Variants in AFF2 observed in about 807,000 individuals in gnomAD.
The protein encoded by AFF2 is ALF transcription elongation factor 2.
AFF2 carries 14 observed loss-of-function variants against 76.9 expected under a neutral mutation model. The ratio of observed to expected loss-of-function variants is 0.18; its 90% confidence interval spans 0.12 to 0.28. AFF2 has a LOEUF of 0.28. Ranked by LOEUF, AFF2 falls within the 10% of genes least tolerant of loss-of-function variation. The pLI is 1.00. For synonymous variants in AFF2, 398 were observed against 366.7 expected (o/e 1.09, Z -0.98); for missense variants, 868 against 1,001.1 (o/e 0.87, Z 1.79).
intron 7 of AFF2, among the ~76,000 whole-genome samples, chrX:148,852,703 T>G (rs1464897984): frequency 1.8e-5 from 2 of 111,590 alleles, no homozygotes; most frequent in Non-Finnish European, 3.8e-5. Flanking sequence ...AAGCATCAGC[T>G]ATTTCATGCT....
At chrX:148,840,480 A>G (rs1230493992) in intron 5 of AFF2, among the ~76,000 whole-genome samples, 1 of 112,019 alleles carries the variant, frequency 8.9e-6, no homozygotes, top group African/African-American at 3.2e-5. Context: ...TTTGCAGGAA[A>G]AGTTAGCTGA....
intron 7 of AFF2, among the ~76,000 whole-genome samples, chrX:148,860,737 A>G (rs1324668108): frequency 8.9e-6 from 1 of 112,135 alleles, no homozygotes; most frequent in South Asian, 3.7e-4. Flanking sequence ...ATGTAAATTG[A>G]CATTATATGG....
At chrX:148,525,728 A>G (rs2052650671) in intron 1 of AFF2, among the ~76,000 whole-genome samples, 1 of 112,240 alleles carries the variant, frequency 8.9e-6, no homozygotes, top group Non-Finnish European at 1.9e-5. Context: ...GTTAGAAAAA[A>G]CAGTTGTGAA....
chrX:148,903,266 GC>G (rs2071373340), intron 8 of AFF2, among the ~76,000 whole-genome samples: 1 of 111,532 alleles, frequency 9.0e-6, no homozygotes, highest in African/African-American at 3.3e-5. Context: ...ACATAATTAT[GC>G]TACAGAAATA....
chrX:148,580,425 C>T (rs1291514969), intron 1 of AFF2, among the ~76,000 whole-genome samples: 1 of 111,299 alleles, frequency 9.0e-6, no homozygotes, highest in Non-Finnish European at 1.9e-5. Flanking sequence ...ATATTATCTT[C>T]CTATTCTTTT....
intron 1 of AFF2, among the ~76,000 whole-genome samples, chrX:148,551,925 A>G (rs1401583605): frequency 8.9e-6 from 1 of 112,648 alleles, no homozygotes; most frequent in East Asian, 2.8e-4. Flanking sequence ...AAAATCAGGC[A>G]CGTGGGTGCT....
rs192601362 is a variant in AFF2, at chrX:148,869,624, C to G, written c.1263-16265C>G. On this transcript the variant is annotated intron_variant, in intron 7 of 20. Coordinates refer to ENST00000370460, the MANE Select transcript of AFF2 (RefSeq NM_002025.4). ...GCCTCAGCCCACCCATTTTGGAGAG[C>G]TGGGAAGGTAGGAACTGGGGCAAAG... Among the ~76,000 whole-genome samples the G allele has an allele frequency of 1.3e-4, 15 of 111,717 alleles. 1 individual carries two copies. The East Asian group carries it at 4.3e-3, about 32-fold the overall frequency.
At chrX:148,855,633 A>G (rs782538331) in intron 7 of AFF2, among the ~76,000 whole-genome samples, 1 of 112,174 alleles carries the variant, frequency 8.9e-6, no homozygotes, top group East Asian at 2.8e-4. Flanking sequence ...ATATAAATGC[A>G]TGCATGTGTG....
At chrX:148,542,598 G>A (rs1222898324) in intron 1 of AFF2, among the ~76,000 whole-genome samples, 1 of 112,076 alleles carries the variant, frequency 8.9e-6, no homozygotes, top group African/African-American at 3.2e-5. Flanking sequence ...CTGAGGCTTG[G>A]CTGGCTGCTG....
At chrX:148,668,092 G>A (rs1288947760) in intron 3 of AFF2, among the ~76,000 whole-genome samples, 1 of 112,759 alleles carries the variant, frequency 8.9e-6, no homozygotes, top group African/African-American at 3.2e-5. Context: ...CAAAACAAAG[G>A]GGCTACAGGC....
intron 1 of AFF2, among the ~76,000 whole-genome samples, chrX:148,619,617 C>T (rs2053846997): frequency 8.9e-6 from 1 of 112,104 alleles, no homozygotes; most frequent in South Asian, 3.6e-4. Flanking sequence ...TAATTTAAGA[C>T]CTCTGTGTTG....
chrX:148,772,054 T>A (rs2069594879), intron 3 of AFF2, among the ~76,000 whole-genome samples: 1 of 111,850 alleles, frequency 8.9e-6, no homozygotes, highest in Non-Finnish European at 1.9e-5. Flanking sequence ...TTTTGACCCA[T>A]AATAGGTTAC....
chrX:148,831,908 T>C (rs2070458914), intron 4 of AFF2, among the ~76,000 whole-genome samples: 1 of 111,967 alleles, frequency 8.9e-6, no homozygotes, highest in Non-Finnish European at 1.9e-5. Flanking sequence ...ACCTCCTCTA[T>C]ACACACACAC....
intron 15 of AFF2, among the ~76,000 whole-genome samples, chrX:148,969,411 C>A (rs1292531821): frequency 8.9e-6 from 1 of 112,117 alleles, no homozygotes; most frequent in Non-Finnish European, 1.9e-5. Context: ...ATACAGTGAT[C>A]CCTCCGTATC....
intron 1 of AFF2, among the ~76,000 whole-genome samples, chrX:148,525,207 G>C (rs1557235039): frequency 9.0e-6 from 1 of 111,693 alleles, no homozygotes; most frequent in African/African-American, 3.3e-5. Flanking sequence ...AGAGCCACCA[G>C]TTTGCTGAAG....
chrX:148,916,666 C>T (rs1405567681), intron 9 of AFF2, among the ~76,000 whole-genome samples: 2 of 111,646 alleles, frequency 1.8e-5, no homozygotes, highest in African/African-American at 6.5e-5. Context: ...AGGCTTTGAG[C>T]AGGAATAACA....
intron 9 of AFF2, among the ~76,000 whole-genome samples, chrX:148,907,646 A>G (rs1459868442): frequency 9.0e-6 from 1 of 111,655 alleles, no homozygotes; most frequent in Non-Finnish European, 1.9e-5. Flanking sequence ...CAGAGATCAC[A>G]TGCTTCACAA....
rs782563942 is a variant in AFF2, at chrX:148,511,925, C to CA, written c.47+10785dup. Among the ~76,000 whole-genome samples the CA allele has an allele frequency of 1.8e-3, 205 of 112,149 alleles. 2 individuals carry two copies. The highest frequency in any genetic ancestry group is 0.016 in the Admixed American group (165 of 10,605). ...ACATTATTTTATTATTTTCAAATTG[C>CA]AAAATTAAAGGTGTCAGGATGCAGG... On this transcript the variant is annotated intron_variant, in intron 1 of 20. Coordinates refer to ENST00000370460, the MANE Select transcript of AFF2 (RefSeq NM_002025.4).
Position 148,956,157 on chromosome X carries a change from G to A in AFF2, c.2112G>A (p.Val704=), listed in dbSNP as rs1603348363. The change falls in exon 11 of 21, where the codon GTG becomes GTA. Residue 704 remains valine (V), a synonymous_variant. Transcript: ENST00000370460. ...KKKYRGPGKI[V]PKSREFIETD... ...AGTACAGAGGGCCTGGCAAGATTGT[G>A]CCAAAGTCTCGGGAATTCATTGAAA... is the stretch of plus-strand genomic sequence containing the variant. The A allele has an allele frequency of 1.7e-6, 2 of 1,208,321 alleles. No individual in the cohort carries two copies. The highest frequency in any genetic ancestry group is 1.8e-5 in the South Asian group (1 of 56,524).
Sources: allele counts gnomAD v4.1 joint callset (sites outside exome capture counted in the v4.1 genomes callset), GRCh38; gene constraint gnomAD v4.1.1; transcripts MANE v1.5; gene names NCBI Gene and HGNC (gene_info 2026-07-23, HGNC 2026-07-21).